PCDHA13: variants seen among roughly 807,000 people sequenced by gnomAD.
The protein encoded by PCDHA13 is protocadherin alpha-13.
PCDHA13 carries 54 observed loss-of-function variants against 64.8 expected under a neutral mutation model. That is an observed-to-expected ratio of 0.83 (90% CI 0.67 to 1.04). The LOEUF is 1.04. Ranked by LOEUF, PCDHA13 falls within the 50% of genes least tolerant of loss-of-function variation. The pLI, the probability that PCDHA13 is intolerant of heterozygous loss-of-function variation, is 0.00. For missense variants in PCDHA13, 1,248 were observed against 1,254.3 expected (o/e 0.99, Z 0.08); for synonymous variants, 587 against 564.4 (o/e 1.04, Z -0.57).
At chr5:140,886,905 A>G (rs2061220299) in intron 1 of PCDHA13, among the ~76,000 whole-genome samples, 2 of 152,010 alleles carry the variant, frequency 1.3e-5, no homozygotes, top group Admixed American at 1.3e-4. Flanking sequence ...TTTAATAAAT[A>G]CTTATTGAGT....
At chr5:140,948,942 T>TA (rs34363674) in intron 1 of PCDHA13, among the ~76,000 whole-genome samples, 48,005 of 151,444 alleles carry the variant, frequency 0.32, 7,947 homozygotes, top group East Asian at 0.53. Flanking sequence ...TCTTCTAATA[T>TA]AAAAAAATTA....
chr5:140,969,464 C>A, intron 1 of PCDHA13: 1 of 1,491,558 alleles, frequency 6.7e-7, no homozygotes. Flanking sequence ...ATATAGTATC[C>A]ACAATTTGAT....
At chr5:141,007,716 G>A (rs887681362) in intron 3 of PCDHA13, among the ~76,000 whole-genome samples, 4 of 152,246 alleles carry the variant, frequency 2.6e-5, no homozygotes, top group African/African-American at 4.8e-5. Context: ...CCCACCACCA[G>A]GGAGAACAAA....
intron 1 of PCDHA13, among the ~76,000 whole-genome samples, chr5:140,977,260 T>C (rs2096752693): frequency 6.6e-6 from 1 of 152,226 alleles, no homozygotes. Flanking sequence ...TCTCAGCAGA[T>C]GTTACAGTCT....
chr5:140,930,404 T>C (rs2086793049), intron 1 of PCDHA13: 1 of 152,170 alleles, frequency 6.6e-6, no homozygotes, highest in African/African-American at 2.4e-5. Flanking sequence ...TTTTTTTTTT[T>C]TGAGACAGGG....
chr5:140,941,255 C>CTTTCTTTCTTTCTTTCTTTCTCTT (rs782490896), intron 1 of PCDHA13, among the ~76,000 whole-genome samples: 1 of 44,508 alleles, frequency 2.2e-5, no homozygotes, highest in Non-Finnish European at 5.1e-5. Flanking sequence ...TTCTTTCTTT[C>CTTTCTTTCTTTCTTTCTTTCTCTT]TCTTTCTTTC....
intron 1 of PCDHA13, among the ~76,000 whole-genome samples, chr5:140,912,063 A>C (rs1458411803): frequency 6.6e-6 from 1 of 152,214 alleles, no homozygotes; most frequent in Non-Finnish European, 1.5e-5. Context: ...CTTGGAGTCC[A>C]ATGTTCAAGG....
At chr5:140,973,472 T>C (rs572763440) in intron 1 of PCDHA13, among the ~76,000 whole-genome samples, 3 of 152,220 alleles carry the variant, frequency 2.0e-5, no homozygotes, top group Non-Finnish European at 4.4e-5. Flanking sequence ...AGTTTGCAAA[T>C]TTCATATTGG....
At chr5:140,905,092 CAGTCATGAA>C (rs1554191919) in intron 1 of PCDHA13, among the ~76,000 whole-genome samples, 5 of 152,092 alleles carry the variant, frequency 3.3e-5, no homozygotes, top group African/African-American at 1.2e-4. Flanking sequence ...TTTGGGTTCT[CAGTCATGAA>C]TTGTTTGCCT....
At chr5:140,889,724 T>C (rs1198530950) in intron 1 of PCDHA13, among the ~76,000 whole-genome samples, 6 of 152,216 alleles carry the variant, frequency 3.9e-5, no homozygotes, top group African/African-American at 1.4e-4. Context: ...TGCTACTGTC[T>C]CACTGAGTAG....
chr5:140,965,830 A>G (rs2095939833), intron 1 of PCDHA13, among the ~76,000 whole-genome samples: 1 of 152,208 alleles, frequency 6.6e-6, no homozygotes, highest in African/African-American at 2.4e-5. Flanking sequence ...ACATTTAAAT[A>G]TTGGTTATTT....
chr5:140,905,540 C>T (rs1294771375), intron 1 of PCDHA13, among the ~76,000 whole-genome samples: 5 of 151,890 alleles, frequency 3.3e-5, no homozygotes, highest in African/African-American at 9.7e-5. Flanking sequence ...TCCATATGAA[C>T]TTTAGGATTG....
At position 140,967,833 on chromosome 5, in the gene PCDHA13, T is replaced by G. The variant is rs1554229998; in HGVS notation, c.2395-11116T>G. The G allele has an allele frequency of 1.2e-6, 2 of 1,614,014 alleles. No homozygotes were observed. The highest frequency in any genetic ancestry group is 4.5e-5 in the East Asian group (2 of 44,876). On this transcript the variant is annotated intron_variant, in intron 1 of 3. Transcript: ENST00000289272. The stretch of plus-strand genomic sequence containing the variant: ...CACTGCAAGGTGCTGGTGGACATCG[T>G]GGACGTGAATGACAATGCCCCAGAG...
chr5:140,926,705 G>A (rs1269250825), intron 1 of PCDHA13: 2 of 849,690 alleles, frequency 2.4e-6, no homozygotes, highest in Non-Finnish European at 3.3e-6. Context: ...GCTCCCAGCT[G>A]GCCAGCCCCG....
chr5:140,916,242 T>A (rs1554197354), intron 1 of PCDHA13, among the ~76,000 whole-genome samples: 1 of 152,208 alleles, frequency 6.6e-6, no homozygotes, highest in Non-Finnish European at 1.5e-5. Flanking sequence ...AGCCAAAGCC[T>A]GGACTTGGGG....
At chr5:140,970,911 T>C (rs1003828575) in intron 1 of PCDHA13, among the ~76,000 whole-genome samples, 2 of 152,194 alleles carry the variant, frequency 1.3e-5, no homozygotes, top group East Asian at 3.9e-4. Context: ...ATTTATTCAT[T>C]TATCAGAAGT....
intron 1 of PCDHA13, chr5:140,967,530 C>T: frequency 6.2e-7 from 1 of 1,613,178 alleles, no homozygotes; most frequent in Non-Finnish European, 8.5e-7. Flanking sequence ...GACAACTCTC[C>T]TGCCTTTGAC....
chr5:140,901,146 C>T (rs1463079898), intron 1 of PCDHA13, among the ~76,000 whole-genome samples: 1 of 152,062 alleles, frequency 6.6e-6, no homozygotes, highest in Admixed American at 6.6e-5. Context: ...AATATTTTCT[C>T]TCAATCTGTG....
intron 3 of PCDHA13, among the ~76,000 whole-genome samples, chr5:140,985,692 C>T (rs1208331191): frequency 6.6e-6 from 1 of 151,060 alleles, no homozygotes; most frequent in Non-Finnish European, 1.5e-5. Flanking sequence ...CGCTAATCCT[C>T]GTTCATATGT....
Sources: gnomAD v4.1 joint callset for allele counts (sites outside exome capture counted in the v4.1 genomes callset) on GRCh38, gnomAD v4.1.1 for gene constraint, MANE v1.5 for transcripts, NCBI Gene and HGNC (gene_info 2026-07-23, HGNC 2026-07-21) for gene names.